Variants in KCNIP3 observed in about 807,000 individuals in gnomAD.
The protein encoded by KCNIP3 is potassium voltage-gated channel interacting protein 3, also known as calsenilin.
In KCNIP3, 28 loss-of-function variants were observed where a neutral mutation model predicts 35.0. That is an observed-to-expected ratio of 0.80 (90% CI 0.59 to 1.10). KCNIP3 has a LOEUF of 1.10. Ranked by LOEUF, KCNIP3 falls within the 50% of genes least tolerant of loss-of-function variation. The pLI is 0.00. For synonymous variants in KCNIP3, 134 were observed against 133.8 expected (o/e 1.00, Z -0.01); for missense variants, 295 against 338.4 (o/e 0.87, Z 1.01).
At chr2:95,383,132 C>A in intron 7 of KCNIP3, 100 bp from the exon 8 acceptor site, 1 of 653,844 alleles carries the variant, frequency 1.5e-6, no homozygotes, top group South Asian at 1.6e-5. Flanking sequence ...CATCCACCCA[C>A]CCGCCCATCC....
At chr2:95,367,082 C>T (rs1056023705) in intron 2 of KCNIP3, among the ~76,000 whole-genome samples, 4 of 151,842 alleles carry the variant, frequency 2.6e-5, no homozygotes, top group African/African-American at 4.8e-5. Context: ...AGACCAGCCT[C>T]GCCAACATGG....
rs1679938268 is a variant in KCNIP3, at chr2:95,367,244, G to A, written c.182-7052G>A. Among the ~76,000 whole-genome samples, 3 of 152,116 alleles carry A rather than the reference G, an allele frequency of 2.0e-5. No homozygotes were observed. In the South Asian group the frequency reaches 6.2e-4, roughly 31 times the overall value. Reference sequence around the variant, plus strand: ...GCTGAGATCATGCCACTGCACTCCAGCCTGGGCGACGGAGCCAAACTCTGT... The same window carrying A: ...GCTGAGATCATGCCACTGCACTCCAACCTGGGCGACGGAGCCAAACTCTGT... On this transcript the variant is annotated intron_variant, in intron 2 of 8. Transcript: ENST00000295225.
intron 2 of KCNIP3, among the ~76,000 whole-genome samples, chr2:95,325,886 C>G (rs536180841): frequency 1.3e-5 from 2 of 151,426 alleles, no homozygotes; most frequent in Admixed American, 1.3e-4. Context: ...CAGACATACA[C>G]ACACTCATAG....
intron 2 of KCNIP3, among the ~76,000 whole-genome samples, chr2:95,336,273 C>T (rs145193170): frequency 6.6e-6 from 1 of 152,338 alleles, no homozygotes; most frequent in Non-Finnish European, 1.5e-5. Context: ...CAACAGCCCT[C>T]AATAAGACTT....
intron 2 of KCNIP3, among the ~76,000 whole-genome samples, chr2:95,324,085 G>A (rs1168698913): frequency 5.3e-5 from 8 of 152,248 alleles, no homozygotes; most frequent in Admixed American, 2.6e-4. Flanking sequence ...CCTCCCCTCC[G>A]TGGGCTGGCG....
intron 1 of KCNIP3, among the ~76,000 whole-genome samples, chr2:95,297,655 C>CGTTGGGGTGTCCTGGCTGGT (rs1677905154): frequency 6.6e-6 from 1 of 151,462 alleles, no homozygotes; most frequent in Non-Finnish European, 1.5e-5. Context: ...TCCTGGCTGG[C>CGTTGGGGTGTCCTGGCTGGT]GTTGGGGTGT....
At position 95,326,894 on chromosome 2, in the gene KCNIP3, T is replaced by TGCGTGGGGCCCTCGC. The variant is rs1678808765; in HGVS notation, c.181+16375_181+16389dup. Among the ~76,000 whole-genome samples, 5 of 152,196 alleles carry TGCGTGGGGCCCTCGC rather than the reference T, an allele frequency of 3.3e-5. No homozygotes were observed. The South Asian group carries it at 1.0e-3, about 31-fold the overall frequency. On this transcript the variant is annotated intron_variant, in intron 2 of 8. Coordinates refer to ENST00000295225, the MANE Select transcript of KCNIP3 (RefSeq NM_013434.5). ...CTGCCCTTCCTCGGCAGGGCACTCA[T>TGCGTGGGGCCCTCGC]GCGTGGGGCCCTCGCTGCCCCCAGC... is the stretch of plus-strand genomic sequence containing the variant.
chr2:95,342,188 C>A (rs1573501159), intron 2 of KCNIP3, among the ~76,000 whole-genome samples: 1 of 152,194 alleles, frequency 6.6e-6, no homozygotes, highest in East Asian at 1.9e-4. Flanking sequence ...AGGGGCCCGG[C>A]CATGGGGGGC....
intron 1 of KCNIP3, among the ~76,000 whole-genome samples, chr2:95,302,062 C>G (rs1264920975): frequency 6.6e-6 from 1 of 152,156 alleles, no homozygotes; most frequent in Non-Finnish European, 1.5e-5. Context: ...CATTCCATAC[C>G]CTGGGGCCTG....
At chr2:95,308,357 T>A (rs1262541247) in intron 1 of KCNIP3, among the ~76,000 whole-genome samples, 1 of 152,182 alleles carries the variant, frequency 6.6e-6, no homozygotes, top group East Asian at 1.9e-4. Flanking sequence ...GGGTGGATGA[T>A]GACTGTGAGC....
intron 1 of KCNIP3, among the ~76,000 whole-genome samples, chr2:95,302,629 C>T (rs184160493): frequency 6.6e-6 from 1 of 152,330 alleles, no homozygotes; most frequent in East Asian, 1.9e-4. Context: ...TCCCCTTAAC[C>T]CTGTGAGGGC....
chr2:95,324,023 C>T (rs904632637), intron 2 of KCNIP3, among the ~76,000 whole-genome samples: 7 of 152,272 alleles, frequency 4.6e-5, no homozygotes, highest in African/African-American at 9.6e-5. Flanking sequence ...AGAGGGAGCC[C>T]GCGGCCACTG....
At chr2:95,366,927 T>A (rs1169084322) in intron 2 of KCNIP3, among the ~76,000 whole-genome samples, 3 of 152,218 alleles carry the variant, frequency 2.0e-5, no homozygotes, top group Non-Finnish European at 2.9e-5. Flanking sequence ...ATTCTGTATA[T>A]CCTTTGTCAG....
intron 2 of KCNIP3, among the ~76,000 whole-genome samples, chr2:95,320,005 G>C: frequency 6.6e-6 from 1 of 152,206 alleles, no homozygotes; most frequent in Non-Finnish European, 1.5e-5. Context: ...ACCGAGGGCT[G>C]GGGCTTGCTG....
Position 95,384,169 on chromosome 2 carries a change from TACACACACACACACACACAC to T in KCNIP3, c.*138_*157del. On this transcript the variant is annotated 3_prime_UTR_variant, in exon 9 of 9. Coordinates refer to ENST00000295225, the MANE Select transcript of KCNIP3 (RefSeq NM_013434.5). The stretch of plus-strand genomic sequence containing the variant: ...GATTTGCAAAAAGTGAACAGATTGC[TACACACACACACACACACAC>T]ACACACACACACACACAGCCATTCA... 1 of 512,456 alleles carries T rather than the reference TACACACACACACACACACAC, an allele frequency of 2.0e-6. No individual in the cohort carries two copies. The highest frequency in any genetic ancestry group is 2.9e-5 in the Admixed American group (1 of 34,876). 31.7% of individuals were successfully genotyped at this position (512,456 alleles called of 1,614,324 possible). A position where few individuals can be genotyped will look rare whatever the true frequency, so the allele number is the denominator to read the frequency against.
chr2:95,317,333 C>T lies in KCNIP3; in HGVS notation c.181+6813C>T, dbSNP rs139364119. Among the ~76,000 whole-genome samples the T allele has an allele frequency of 4.0e-3, 613 of 152,338 alleles. 8 individuals carry two copies. The highest frequency in any genetic ancestry group is 0.014 in the African/African-American group (585 of 41,580). On this transcript the variant is annotated intron_variant, in intron 2 of 8. Coordinates refer to ENST00000295225, the MANE Select transcript of KCNIP3 (RefSeq NM_013434.5). ...CTGGGAGCTCAGGAGTGACGCCCAC[C>T]CCATCCCCACGCCTCCCAGCCCAGG...
chr2:95,371,665 A>G (rs1179953374), intron 2 of KCNIP3, among the ~76,000 whole-genome samples: 3 of 151,904 alleles, frequency 2.0e-5, no homozygotes. Context: ...TTTAGTTCTG[A>G]ATTTTTTGTT....
chr2:95,306,647 G>A (rs545316155), intron 1 of KCNIP3, among the ~76,000 whole-genome samples: 2 of 152,150 alleles, frequency 1.3e-5, no homozygotes, highest in East Asian at 1.9e-4. Flanking sequence ...CCAAGGCGGT[G>A]GTGTGGGAGC....
chr2:95,325,939 A>G (rs376362067), intron 2 of KCNIP3, among the ~76,000 whole-genome samples: 23 of 151,802 alleles, frequency 1.5e-4, no homozygotes, highest in African/African-American at 5.1e-4. Flanking sequence ...ACACATACAC[A>G]TACACACTCA....
Sources: allele counts gnomAD v4.1 joint callset (sites outside exome capture counted in the v4.1 genomes callset), GRCh38; gene constraint gnomAD v4.1.1; transcripts MANE v1.5; gene names NCBI Gene and HGNC (gene_info 2026-07-23, HGNC 2026-07-21).